SEPTIN9: variants seen among roughly 807,000 people sequenced by gnomAD.
SEPTIN9 encodes septin-9.
A neutral mutation model predicts 56.6 loss-of-function variants in SEPTIN9; 13 were observed. That is an observed-to-expected ratio of 0.23 (90% CI 0.15 to 0.37). The LOEUF (loss-of-function observed/expected upper bound fraction) is 0.37. Ranked by LOEUF, SEPTIN9 falls within the 10% of genes least tolerant of loss-of-function variation. The pLI is 1.00. For missense variants in SEPTIN9, 650 were observed against 823.1 expected, an observed-to-expected ratio of 0.79 and a Z score of 2.57; for synonymous variants, 332 against 334.1, an observed-to-expected ratio of 0.99 and a Z score of 0.07.
chr17:77,385,061 T>C (rs930242470), intron 2 of SEPTIN9, among the ~76,000 whole-genome samples: 5 of 152,074 alleles, frequency 3.3e-5, no homozygotes, highest in African/African-American at 9.7e-5. Context: ...TTAAAGTTCA[T>C]GGGCTCGTGC....
Position 77,475,435 on chromosome 17 carries a change from G to A in SEPTIN9, c.722-6709G>A. On this transcript the variant is annotated intron_variant, in intron 3 of 11. Transcript: ENST00000427177. This position sits in a 1 kb window ranked among gnomAD's most constrained non-coding sequence, Gnocchi z 4.6. ...GGACACTGTCCTCCTAGCATTGCCTGCATCAGGGACTCACTCAGCTTTAAG... is the reference window on the plus strand; with the variant it reads ...GGACACTGTCCTCCTAGCATTGCCTACATCAGGGACTCACTCAGCTTTAAG... 4.0e-6 allele frequency: 6 copies of A among 1,512,456 alleles called. No individual in the cohort carries two copies. Among genetic ancestry groups the A allele is most frequent in the East Asian group, 2.3e-5 (1 of 43,166 alleles). The allele number at this position is 1,512,456 out of a possible 1,614,324, so 93.7% of individuals were successfully genotyped here. A position where few individuals can be genotyped will look rare whatever the true frequency, so the allele number is the denominator to read the frequency against.
chr17:77,411,101 A>G (rs897162122), intron 3 of SEPTIN9, among the ~76,000 whole-genome samples: 11 of 151,644 alleles, frequency 7.3e-5, no homozygotes, highest in Admixed American at 2.6e-4. Context: ...AAAAAAAAAA[A>G]GCGATGCCCA....
At chr17:77,464,720 C>A (rs2038635378) in intron 3 of SEPTIN9, among the ~76,000 whole-genome samples, 1 of 152,000 alleles carries the variant, frequency 6.6e-6, no homozygotes, top group African/African-American at 2.4e-5. Flanking sequence ...CCTGCCTCAG[C>A]CTCCCGAGTA....
intron 11 of SEPTIN9, 29 bp downstream of exon 11, chr17:77,497,395 G>T: frequency 3.7e-6 from 6 of 1,608,370 alleles, no homozygotes; most frequent in Non-Finnish European, 5.1e-6. Flanking sequence ...GGGTGGGGCT[G>T]ACGGCTTCAC....
At chr17:77,300,456 A>G (rs2143561843) in intron 1 of SEPTIN9, among the ~76,000 whole-genome samples, 1 of 152,280 alleles carries the variant, frequency 6.6e-6, no homozygotes, top group South Asian at 2.1e-4. Context: ...GTACCTCTTC[A>G]GGACACAACT....
intron 2 of SEPTIN9, among the ~76,000 whole-genome samples, chr17:77,340,443 A>C (rs1751938266): frequency 6.6e-6 from 1 of 152,126 alleles, no homozygotes. Context: ...ACCAGGCCTC[A>C]ATGGGTTTTT....
intron 2 of SEPTIN9, among the ~76,000 whole-genome samples, chr17:77,315,054 CAG>C (rs2032646283): frequency 1.3e-5 from 2 of 152,268 alleles, no homozygotes; most frequent in South Asian, 4.1e-4. Flanking sequence ...CACATGGGAA[CAG>C]GGGCTTATCC....
rs1445770682 is a variant in SEPTIN9, at chr17:77,499,402, C to G, written c.*744C>G. The G allele has an allele frequency of 1.8e-6, 1 of 543,234 alleles. No individual in the cohort carries two copies. The highest frequency in any genetic ancestry group is 1.5e-5 in the South Asian group (1 of 65,768). The allele number at this position is 543,234 out of a possible 1,614,324, so 33.7% of individuals were successfully genotyped here. A position where few individuals can be genotyped will look rare whatever the true frequency, so the allele number is the denominator to read the frequency against. ...TCACGCCACCCCCGCCCCCACCGGGCTGCAGGTGCTGCTGATGCGCTGGGA... is the reference window on the plus strand; with the variant it reads ...TCACGCCACCCCCGCCCCCACCGGGGTGCAGGTGCTGCTGATGCGCTGGGA... On this transcript the variant is annotated 3_prime_UTR_variant, in exon 12 of 12. Coordinates refer to ENST00000427177, the MANE Select transcript of SEPTIN9 (RefSeq NM_001113491.2).
chr17:77,307,655 A>T (rs1290332257), intron 2 of SEPTIN9, among the ~76,000 whole-genome samples: 1 of 151,946 alleles, frequency 6.6e-6, no homozygotes, highest in Admixed American at 6.6e-5. Context: ...ATCTAGGAGG[A>T]AATAAGTGGG....
Position 77,321,230 on chromosome 17 carries a change from C to T in SEPTIN9, c.76+14033C>T, listed in dbSNP as rs1197025579. Among the ~76,000 whole-genome samples, 3 of 152,094 alleles carry T rather than the reference C, an allele frequency of 2.0e-5. No homozygotes were observed. In the East Asian group the frequency reaches 5.8e-4, roughly 29 times the overall value. The stretch of plus-strand genomic sequence containing the variant: ...CTGAAGTGACCTACGGGCCATGGAG[C>T]GGGAGGTCGCTAAGAGTGTCAACCC... On this transcript the variant is annotated intron_variant, in intron 2 of 11. Coordinates refer to ENST00000427177, the MANE Select transcript of SEPTIN9 (RefSeq NM_001113491.2).
rs757271221 is a variant in SEPTIN9 at position 77,323,544 on chromosome 17, C to T, written c.76+16347C>T. 4.6e-5 allele frequency among the ~76,000 whole-genome samples: 7 copies of T among 152,112 alleles called. No individual in the cohort carries two copies. The highest frequency in any genetic ancestry group is 7.2e-5 in the African/African-American group (3 of 41,410). On this transcript the variant is annotated intron_variant, in intron 2 of 11. Transcript: ENST00000427177. This position sits in a 1 kb window ranked among gnomAD's most constrained non-coding sequence, Gnocchi z 6.8. Reference sequence around the variant, plus strand: ...CGGGGTCCTGGAGGGGGCTTGGCCACGCTGTCGCTGGACGTCTGTCCCCAC... The same window carrying T: ...CGGGGTCCTGGAGGGGGCTTGGCCATGCTGTCGCTGGACGTCTGTCCCCAC...
chr17:77,364,499 A>C (rs1290226654), intron 2 of SEPTIN9, among the ~76,000 whole-genome samples: 1 of 152,100 alleles, frequency 6.6e-6, no homozygotes, highest in Non-Finnish European at 1.5e-5. Flanking sequence ...GCCTCTTTGG[A>C]GTGTGCTGGG....
At chr17:77,455,350 G>C (rs1394882691) in intron 3 of SEPTIN9, among the ~76,000 whole-genome samples, 1 of 152,180 alleles carries the variant, frequency 6.6e-6, no homozygotes, top group East Asian at 1.9e-4. Context: ...GTCGAGCCTG[G>C]CTGGCAGCAC....
In SEPTIN9 at chr17:77,321,935, T is replaced by A. The variant is rs866012885; in HGVS notation, c.76+14738T>A. Among the ~76,000 whole-genome samples, 11 of 152,334 alleles carry A rather than the reference T, an allele frequency of 7.2e-5. 1 individual carries two copies. The highest frequency in any genetic ancestry group is 2.6e-4 in the African/African-American group (11 of 41,588). The stretch of plus-strand genomic sequence containing the variant: ...GCAGGAGCCGCAGGGCAGGGAGCGC[T>A]GAGAGGGACCTTCGTCAGGCTTGCA... On this transcript the variant is annotated intron_variant, in intron 2 of 11. Coordinates refer to ENST00000427177, the MANE Select transcript of SEPTIN9 (RefSeq NM_001113491.2).
chr17:77,398,481 T>G (rs1240049017), intron 2 of SEPTIN9, among the ~76,000 whole-genome samples: 2 of 152,042 alleles, frequency 1.3e-5, no homozygotes, highest in Admixed American at 1.3e-4. Context: ...TGGGCTTGGC[T>G]TTGAGGAGGA....
intron 1 of SEPTIN9, among the ~76,000 whole-genome samples, chr17:77,297,043 T>G (rs2031851012): frequency 6.6e-6 from 1 of 152,016 alleles, no homozygotes. Flanking sequence ...GATAGGCAGA[T>G]AGACAGTTAG....
At chr17:77,296,501 A>G (rs891638221) in intron 1 of SEPTIN9, among the ~76,000 whole-genome samples, 1 of 152,176 alleles carries the variant, frequency 6.6e-6, no homozygotes. Flanking sequence ...ACAAATGGAT[A>G]GATAGATGAT....
intron 2 of SEPTIN9, among the ~76,000 whole-genome samples, chr17:77,358,864 CA>C (rs1209197005): frequency 2.0e-5 from 3 of 152,142 alleles, no homozygotes; most frequent in Non-Finnish European, 4.4e-5. Flanking sequence ...GGCTGTGTAA[CA>C]AAAGCTAAAA....
intron 3 of SEPTIN9, among the ~76,000 whole-genome samples, chr17:77,440,971 G>A (rs899321195): frequency 6.6e-6 from 1 of 152,200 alleles, no homozygotes; most frequent in Non-Finnish European, 1.5e-5. Context: ...CCTGGACAGG[G>A]AGAGTCTGGC....
Sources: allele counts gnomAD v4.1 joint callset (sites outside exome capture counted in the v4.1 genomes callset), GRCh38; gene constraint gnomAD v4.1.1; non-coding constraint Gnocchi (gnomAD v3.1); transcripts MANE v1.5; gene names NCBI Gene and HGNC (gene_info 2026-07-23, HGNC 2026-07-21).